HS3ST4: variants seen among roughly 807,000 people sequenced by gnomAD.
HS3ST4 encodes the protein heparan sulfate-glucosamine 3-sulfotransferase 4.
In HS3ST4, 17 loss-of-function variants were observed where a neutral mutation model predicts 29.2. That is an observed-to-expected ratio of 0.58 (90% CI 0.40 to 0.87). The LOEUF is 0.87. Ranked by LOEUF, HS3ST4 falls within the 40% of genes least tolerant of loss-of-function variation. The pLI, the probability that HS3ST4 is intolerant of heterozygous loss-of-function variation, is 0.00. For missense variants in HS3ST4, 627 were observed against 634.5 expected (o/e 0.99, Z 0.13); for synonymous variants, 314 against 285.7 (o/e 1.10, Z -1.00).
At chr16:25,711,566 C>G (rs1966415607) in intron 1 of HS3ST4, among the ~76,000 whole-genome samples, 1 of 152,108 alleles carries the variant, frequency 6.6e-6, no homozygotes, top group African/African-American at 2.4e-5. Context: ...ATCACGGCCA[C>G]CTCTTATTTC....
chr16:26,109,568 A>G (rs1219886616), intron 1 of HS3ST4, among the ~76,000 whole-genome samples: 2 of 152,150 alleles, frequency 1.3e-5, no homozygotes, highest in East Asian at 3.9e-4. Context: ...CTGCTCCCCC[A>G]GGCATGTCCA....
chr16:25,844,062 T>C (rs4787773), intron 1 of HS3ST4, among the ~76,000 whole-genome samples: 51,898 of 152,100 alleles, frequency 0.34, 9,548 homozygotes, highest in Admixed American at 0.4. Context: ...GCTGAACAGG[T>C]AAGGCAGATT....
At chr16:25,811,063 A>G (rs992595123) in intron 1 of HS3ST4, among the ~76,000 whole-genome samples, 2 of 152,248 alleles carry the variant, frequency 1.3e-5, no homozygotes, top group Non-Finnish European at 2.9e-5. Context: ...GGTGAGCTAC[A>G]AAACTGCTGG....
At chr16:25,708,183 G>A (rs1464965811) in intron 1 of HS3ST4, among the ~76,000 whole-genome samples, 1 of 152,190 alleles carries the variant, frequency 6.6e-6, no homozygotes, top group Non-Finnish European at 1.5e-5. Context: ...CTGCCACCAG[G>A]TGGTGATTGT....
chr16:26,077,451 TTACAATAGGCTG>T (rs1898676128), intron 1 of HS3ST4, among the ~76,000 whole-genome samples: 1 of 152,226 alleles, frequency 6.6e-6, no homozygotes, highest in African/African-American at 2.4e-5. Flanking sequence ...TGATCACCTT[TTACAATAGGCTG>T]TATTGCCGTC....
At position 25,789,403 on chromosome 16, in the gene HS3ST4, TTTCCTTCC is replaced by T. The variant is rs745858843; in HGVS notation, c.734+96312_734+96319del. 3.0e-3 allele frequency among the ~76,000 whole-genome samples: 219 copies of T among 72,658 alleles called. 5 individuals carry two copies. Among genetic ancestry groups the T allele is most frequent in the South Asian group, 0.01 (19 of 1,900 alleles). 47.7% of individuals were successfully genotyped at this position (72,658 alleles called of 152,430 possible). ...TTTCTTTCTTTCTCTTTCTTTGTTT[TTTCCTTCC>T]TTCCTTCCTTCCTTCCTTCCTTCCT... is the stretch of plus-strand genomic sequence containing the variant. On this transcript the variant is annotated intron_variant, in intron 1 of 1. Transcript: ENST00000331351.
chr16:25,913,410 A>G (rs1968259295), intron 1 of HS3ST4, among the ~76,000 whole-genome samples: 1 of 152,230 alleles, frequency 6.6e-6, no homozygotes. Context: ...GTGAGAAGCC[A>G]CTATCCAGAA....
rs117458655 is a variant in HS3ST4, at chr16:25,731,914, C to T, written c.734+38763C>T. On this transcript the variant is annotated intron_variant, in intron 1 of 1. Coordinates refer to ENST00000331351, the MANE Select transcript of HS3ST4 (RefSeq NM_006040.3). ...AGATTTGCTTTTCTCTCTTTGCTAC[C>T]CCACAGTGAGCAGACGATTTGTTAG... is the stretch of plus-strand genomic sequence containing the variant. Among the ~76,000 whole-genome samples, 138 of 152,272 alleles carry T rather than the reference C, an allele frequency of 9.1e-4. 2 individuals are homozygous for T. The highest frequency in any genetic ancestry group is 1.1e-3 in the Non-Finnish European group (76 of 68,020).
At chr16:26,049,456 G>A (rs191282349) in intron 1 of HS3ST4, among the ~76,000 whole-genome samples, 30 of 146,770 alleles carry the variant, frequency 2.0e-4, no homozygotes, top group Admixed American at 6.7e-4. Flanking sequence ...AGTTGCAGTG[G>A]GGAATGCGTG....
At chr16:26,110,614 G>A (rs74013260) in intron 1 of HS3ST4, among the ~76,000 whole-genome samples, 300 of 152,190 alleles carry the variant, frequency 2.0e-3, no homozygotes, top group African/African-American at 6.8e-3. Context: ...CGCTCTCATC[G>A]TTCTCTCTTT....
intron 1 of HS3ST4, among the ~76,000 whole-genome samples, chr16:25,760,777 C>A (rs1382569146): frequency 6.6e-6 from 1 of 152,118 alleles, no homozygotes; most frequent in Non-Finnish European, 1.5e-5. Context: ...TAAATATAGT[C>A]ACATTCTGAG....
chr16:25,914,575 G>A (rs1361339107), intron 1 of HS3ST4, among the ~76,000 whole-genome samples: 1 of 149,138 alleles, frequency 6.7e-6, no homozygotes, highest in Non-Finnish European at 1.5e-5. Flanking sequence ...GGTTGGATGT[G>A]GTGTCTGTGG....
intron 1 of HS3ST4, among the ~76,000 whole-genome samples, chr16:25,860,560 A>T (rs1967626310): frequency 6.6e-6 from 1 of 152,180 alleles, no homozygotes; most frequent in Admixed American, 6.5e-5. Flanking sequence ...CAAGCCATTG[A>T]GCCATGAAAA....
intron 1 of HS3ST4, among the ~76,000 whole-genome samples, chr16:26,038,747 G>A (rs1018346179): frequency 1.3e-5 from 2 of 151,934 alleles, no homozygotes; most frequent in Admixed American, 1.3e-4. Context: ...GCAGTGGTGC[G>A]ATCTCGGCTC....
At chr16:25,937,342 A>G (rs1372226686) in intron 1 of HS3ST4, among the ~76,000 whole-genome samples, 2 of 152,198 alleles carry the variant, frequency 1.3e-5, no homozygotes, top group Non-Finnish European at 2.9e-5. Context: ...TGAACTTGAA[A>G]TCTTACCCAT....
Position 26,135,910 on chromosome 16 carries a change from C to T in HS3ST4, c.1033C>T (p.Gln345Ter). Residue 345 changes from glutamine (Q) to a stop codon, truncating the protein, a stop_gained, in exon 2 of 2, where the codon CAG (glutamine) becomes TAG (stop). Coordinates refer to ENST00000331351, the MANE Select transcript of HS3ST4 (RefSeq NM_006040.3). LOFTEE classifies it high-confidence loss of function. ...IYALHLENWL[Q>*]YFPLSQILFV... ...TGCGCTGCATCTGGAAAACTGGCTC[C>T]AGTATTTCCCCCTCTCCCAGATCCT... 5.0e-6 allele frequency: 8 copies of T among 1,613,996 alleles called. No individual in the cohort carries two copies. The highest frequency in any genetic ancestry group is 6.8e-6 in the Non-Finnish European group (8 of 1,179,872).
At chr16:26,120,584 C>T (rs971228410) in intron 1 of HS3ST4, among the ~76,000 whole-genome samples, 10 of 152,156 alleles carry the variant, frequency 6.6e-5, no homozygotes, top group African/African-American at 9.7e-5. Flanking sequence ...AGAGCTGGTG[C>T]GTGGCAGTGT....
intron 1 of HS3ST4, among the ~76,000 whole-genome samples, chr16:25,707,580 A>G (rs1966384317): frequency 6.6e-6 from 1 of 152,198 alleles, no homozygotes; most frequent in Non-Finnish European, 1.5e-5. Context: ...GAAGGACTCA[A>G]TCACTGTTGC....
At chr16:25,983,849 C>T (rs986339352) in intron 1 of HS3ST4, among the ~76,000 whole-genome samples, 1 of 152,094 alleles carries the variant, frequency 6.6e-6, no homozygotes, top group Non-Finnish European at 1.5e-5. Flanking sequence ...TAAAGGACAG[C>T]GTGGGGCTGT....
Sources: gnomAD v4.1 joint callset for allele counts (sites outside exome capture counted in the v4.1 genomes callset) on GRCh38, gnomAD v4.1.1 for gene constraint, MANE v1.5 for transcripts, NCBI Gene and HGNC (gene_info 2026-07-23, HGNC 2026-07-21) for gene names.